Variants in COL13A1 observed in about 807,000 individuals in gnomAD.
COL13A1 encodes collagen type XIII alpha 1 chain.
In COL13A1, 89 loss-of-function variants were observed where a neutral mutation model predicts 130.9. That is an observed-to-expected ratio of 0.68 (90% CI 0.57 to 0.81). COL13A1 has a LOEUF of 0.81. COL13A1 is among the 30% of genes least tolerant of loss of function. COL13A1 has a pLI of 0.00. For missense variants in COL13A1, 879 were observed against 934.6 expected, an observed-to-expected ratio of 0.94 and a Z score of 0.78; for synonymous variants, 402 against 341.6, an observed-to-expected ratio of 1.18 and a Z score of -1.95.
intron 33 of COL13A1, among the ~76,000 whole-genome samples, chr10:69,937,273 G>A (rs1001333986): frequency 6.6e-6 from 1 of 152,162 alleles, no homozygotes; most frequent in Non-Finnish European, 1.5e-5. Context: ...TTGTTCTCCC[G>A]ACTAGGCTGT....
At chr10:69,808,475 C>T (rs894821149) in intron 1 of COL13A1, among the ~76,000 whole-genome samples, 2 of 152,054 alleles carry the variant, frequency 1.3e-5, no homozygotes, top group Non-Finnish European at 2.9e-5. Flanking sequence ...GTAGCAGATA[C>T]TACTCATCGC....
intron 2 of COL13A1, among the ~76,000 whole-genome samples, chr10:69,833,278 A>G (rs1396639840): frequency 1.3e-5 from 2 of 152,220 alleles, no homozygotes; most frequent in African/African-American, 4.8e-5. Context: ...CCTTCTGGGC[A>G]GTTACAATAA....
At position 69,932,391 on chromosome 10, in the gene COL13A1, G is replaced by A. The variant is rs1355819343; in HGVS notation, c.1684-169G>A. On this transcript the variant is annotated intron_variant, in intron 30 of 40. Transcript: ENST00000645393. ...TATCAGCCTCTCCTCCCCTGTACTA[G>A]AGCCTCAGATTCTGTCCTGCAGGCT... Among the ~76,000 whole-genome samples the A allele has an allele frequency of 4.6e-5, 7 of 152,260 alleles. No homozygotes were observed. In the East Asian group the frequency reaches 1.4e-3, roughly 29 times the overall value.
rs1298653130 is a variant in COL13A1, at chr10:69,936,182, GA to G, written c.1771-571del. Among the ~76,000 whole-genome samples the G allele has an allele frequency of 6.5e-4, 85 of 130,190 alleles. 2 individuals carry two copies. The East Asian group carries it at 7.6e-3, about 12-fold the overall frequency. The allele number at this position is 130,190 out of a possible 152,430, so 85.4% of individuals were successfully genotyped here. ...GAAGGAAGGAAGGAAGGAAGGAAAG[GA>G]AAGGAAGGAAGGAAGGGCGAGCCCC... On this transcript the variant is annotated intron_variant, in intron 32 of 40. Transcript: ENST00000645393.
intron 2 of COL13A1, among the ~76,000 whole-genome samples, chr10:69,867,071 A>G (rs2058594966): frequency 6.6e-6 from 1 of 151,810 alleles, no homozygotes; most frequent in South Asian, 2.1e-4. Context: ...CTCTCGGAAC[A>G]CTTGAATTTG....
chr10:69,849,373 C>T (rs1008431295), intron 2 of COL13A1, among the ~76,000 whole-genome samples: 1 of 152,212 alleles, frequency 6.6e-6, no homozygotes, highest in Non-Finnish European at 1.5e-5. Flanking sequence ...GCAGCAGTGC[C>T]CCCTGATCAC....
chr10:69,833,390 C>T (rs1474370654), intron 2 of COL13A1, among the ~76,000 whole-genome samples: 1 of 152,226 alleles, frequency 6.6e-6, no homozygotes, highest in African/African-American at 2.4e-5. Context: ...CCTACGTGCT[C>T]TTTAGGGCTC....
intron 13 of COL13A1, among the ~76,000 whole-genome samples, chr10:69,896,761 G>A (rs1187430968): frequency 5.9e-5 from 9 of 152,152 alleles, no homozygotes; most frequent in Non-Finnish European, 1.2e-4. Flanking sequence ...CGGCGGTGCT[G>A]GGCCCGGGCT....
chr10:69,812,071 C>A (rs116225237), intron 1 of COL13A1, among the ~76,000 whole-genome samples: 1,566 of 152,298 alleles, frequency 0.01, 40 homozygotes, highest in African/African-American at 0.036. Flanking sequence ...CCAGAGGGGA[C>A]CTTTTAAAAA....
chr10:69,941,669 C>T (rs568702371), intron 35 of COL13A1, among the ~76,000 whole-genome samples: 4 of 152,304 alleles, frequency 2.6e-5, no homozygotes, highest in South Asian at 4.1e-4. Flanking sequence ...ACACTTGGGT[C>T]CTCTCTTCCT....
intron 7 of COL13A1, among the ~76,000 whole-genome samples, chr10:69,883,817 G>A (rs2060361428): frequency 1.3e-5 from 2 of 152,216 alleles, no homozygotes; most frequent in South Asian, 2.1e-4. Flanking sequence ...CAGTTTACAA[G>A]GTTGTAGAAG....
chr10:69,841,637 G>GC (rs1029161579), intron 2 of COL13A1, among the ~76,000 whole-genome samples: 3 of 152,072 alleles, frequency 2.0e-5, no homozygotes, highest in Non-Finnish European at 2.9e-5. Flanking sequence ...TCCACCAATT[G>GC]CCCCAGCAAA....
At chr10:69,834,083 A>G (rs73267724) in intron 2 of COL13A1, among the ~76,000 whole-genome samples, 5,906 of 152,238 alleles carry the variant, frequency 0.039, 386 homozygotes, top group African/African-American at 0.14. Context: ...TTTTGGGACC[A>G]GTGGCCAGTT....
chr10:69,854,671 G>A (rs1855897437), intron 2 of COL13A1, among the ~76,000 whole-genome samples: 1 of 152,040 alleles, frequency 6.6e-6, no homozygotes, highest in Non-Finnish European at 1.5e-5. Flanking sequence ...ACTGAGACCT[G>A]CCAAGGATGC....
rs1208736373 is a variant in COL13A1, at chr10:69,930,352, C to G, written c.1531-48C>G. On this transcript the variant is annotated intron_variant, in intron 29 of 40. Transcript: ENST00000645393. ...TTTCTACTCTCTCTCCCTCTCTCCT[C>G]TTTTCTCCATTAATGTGTCTAAGAA... 3 of 1,541,914 alleles carry G rather than the reference C, an allele frequency of 1.9e-6. No individual in the cohort carries two copies. The Admixed American group carries it at 6.1e-5, about 31-fold the overall frequency.
Position 69,932,013 on chromosome 10 carries a change from G to A in COL13A1, c.1684-547G>A, listed in dbSNP as rs1186508660. Among the ~76,000 whole-genome samples, 3 of 151,994 alleles carry A rather than the reference G, an allele frequency of 2.0e-5. No homozygotes were observed. In the South Asian group the frequency reaches 6.2e-4, roughly 31 times the overall value. ...CTGGAACAGAACTCAGCTCCTAGAG[G>A]CCACCTACAGTTCCTGCCACCTGCG... On this transcript the variant is annotated intron_variant, in intron 30 of 40. Transcript: ENST00000645393.
rs58475335 is a variant in COL13A1, at chr10:69,822,070, A to G, written c.295-299A>G. Among the ~76,000 whole-genome samples the G allele has an allele frequency of 5.1e-3, 782 of 152,330 alleles. 6 individuals carry two copies. The highest frequency in any genetic ancestry group is 0.024 in the Middle Eastern group (7 of 294). On this transcript the variant is annotated intron_variant, in intron 1 of 40. Transcript: ENST00000645393. Reference sequence around the variant, plus strand: ...CTGAGAAAAGCATGTCATTGTGCACATGAGCATGAGGTGCAGGAAGATGCA... The same window carrying G: ...CTGAGAAAAGCATGTCATTGTGCACGTGAGCATGAGGTGCAGGAAGATGCA...
rs115729236 is a variant in COL13A1, at chr10:69,828,130, T to G, written c.364+5692T>G. On this transcript the variant is annotated intron_variant, in intron 2 of 40. Transcript: ENST00000645393. ...TGGGCTACTTCGGGGTCATTCTTGC[T>G]ATTTCTTAAAGCAGATCCCCTGGGG... is the stretch of plus-strand genomic sequence containing the variant. Among the ~76,000 whole-genome samples, 694 of 152,346 alleles carry G rather than the reference T, an allele frequency of 4.6e-3. 7 individuals carry two copies. Among genetic ancestry groups the G allele is most frequent in the African/African-American group, 0.016 (666 of 41,568 alleles).
intron 2 of COL13A1, among the ~76,000 whole-genome samples, chr10:69,855,178 CAGTA>C (rs1856050847): frequency 1.3e-5 from 2 of 152,212 alleles, no homozygotes; most frequent in South Asian, 2.1e-4. Context: ...TGCTGGCACA[CAGTA>C]AGTGTTAGGG....
Sources: allele counts gnomAD v4.1 joint callset (sites outside exome capture counted in the v4.1 genomes callset), GRCh38; gene constraint gnomAD v4.1.1; transcripts MANE v1.5; gene names NCBI Gene and HGNC (gene_info 2026-07-23, HGNC 2026-07-21).